C7orf33: variants seen among roughly 807,000 people sequenced by gnomAD.
The protein encoded by C7orf33 is chromosome 7 open reading frame 33.
A neutral mutation model predicts 13.4 loss-of-function variants in C7orf33; 15 were observed. The ratio of observed to expected loss-of-function variants is 1.12; its 90% CI spans 0.75 to 1.72. The LOEUF is 1.72. Among genes scored for constraint, C7orf33 ranks in the 40% most tolerant of loss-of-function variants. The probability of loss-of-function intolerance (pLI) is 0.00; values close to 1 mark genes in which losing one functional copy is unlikely to be tolerated. For missense variants in C7orf33, 187 were observed against 220.3 expected (o/e 0.85, Z 0.96); for synonymous variants, 73 against 83.2 (o/e 0.88, Z 0.67).
intron 1 of C7orf33, among the ~76,000 whole-genome samples, chr7:148,598,118 T>G (rs1334932858): frequency 1.3e-5 from 2 of 152,184 alleles, no homozygotes; most frequent in Non-Finnish European, 2.9e-5. Flanking sequence ...TATTTTTGCG[T>G]GTTTTCAGCT....
rs34816972 is a variant in C7orf33 at position 148,599,469 on chromosome 7, ATTTTTTTTTT to A, written c.204+8353_204+8362del. 2.4e-5 allele frequency among the ~76,000 whole-genome samples: 3 copies of A among 122,974 alleles called. No individual in the cohort carries two copies. In the East Asian group the frequency reaches 7.1e-4, roughly 29 times the overall value. 80.7% of individuals were successfully genotyped at this position (122,974 alleles called of 152,430 possible). A position where few individuals can be genotyped will look rare whatever the true frequency, so the allele number is the denominator to read the frequency against. On this transcript the variant is annotated intron_variant, in intron 1 of 2. Transcript: ENST00000307003. ...CCAGGTTCAAATTTACAATTCTCAG[ATTTTTTTTTT>A]TTTTTTTTTTTTGAGACGGAGTCTT...
chr7:148,609,032 C>G (rs1371663374), intron 1 of C7orf33, among the ~76,000 whole-genome samples: 1 of 150,742 alleles, frequency 6.6e-6, no homozygotes, highest in Non-Finnish European at 1.5e-5. Context: ...TCATTCTTAC[C>G]TTGAGGAAGC....
intron 1 of C7orf33, among the ~76,000 whole-genome samples, chr7:148,597,807 G>A (rs192454507): frequency 6.6e-6 from 1 of 152,116 alleles, no homozygotes; most frequent in East Asian, 1.9e-4. Flanking sequence ...CCAGGCTGGA[G>A]TGCAGTGGCG....
intron 1 of C7orf33, among the ~76,000 whole-genome samples, chr7:148,613,350 G>C (rs889506530): frequency 6.6e-6 from 1 of 152,174 alleles, no homozygotes; most frequent in African/African-American, 2.4e-5. Flanking sequence ...CCACACAAAA[G>C]CTCTGTACAC....
chr7:148,615,563 T>TTCTCTTTGATCATGA lies in C7orf33; in HGVS notation c.*163_*177dup. 1.9e-6 allele frequency: 1 copy of TTCTCTTTGATCATGA among 534,282 alleles called. No homozygotes were observed. The highest frequency in any genetic ancestry group is 3.3e-5 in the East Asian group (1 of 29,886). The allele number at this position is 534,282 out of a possible 1,614,324, so 33.1% of individuals were successfully genotyped here. ...TGAACACCAGCAGACAGGCTGAGAATTCTCTTTGATCATGAGCCCAAGTTC... is the reference window on the plus strand; with the variant it reads ...TGAACACCAGCAGACAGGCTGAGAATTCTCTTTGATCATGATCTCTTTGATCATGAGCCCAAGTTC... On this transcript the variant is annotated 3_prime_UTR_variant, in exon 3 of 3. Transcript: ENST00000307003.
chr7:148,602,861 C>T (rs576562857), intron 1 of C7orf33, among the ~76,000 whole-genome samples: 2 of 152,292 alleles, frequency 1.3e-5, no homozygotes, highest in East Asian at 3.9e-4. Flanking sequence ...AACTCAATTA[C>T]ATGTCTATCT....
At chr7:148,607,776 C>G (rs905808759) in intron 1 of C7orf33, among the ~76,000 whole-genome samples, 15 of 152,176 alleles carry the variant, frequency 9.9e-5, no homozygotes, top group Non-Finnish European at 1.8e-4. Context: ...GAAAGCGTAT[C>G]GGGTTTAAAT....
intron 1 of C7orf33, among the ~76,000 whole-genome samples, chr7:148,607,716 A>G (rs1416012795): frequency 2.0e-5 from 3 of 152,104 alleles, no homozygotes; most frequent in African/African-American, 7.2e-5. Context: ...CCTGCAGGAT[A>G]TTTTCACTTA....
At chr7:148,606,593 A>G (rs989929259) in intron 1 of C7orf33, among the ~76,000 whole-genome samples, 1 of 152,108 alleles carries the variant, frequency 6.6e-6, no homozygotes, top group Non-Finnish European at 1.5e-5. Flanking sequence ...AAAACAAACA[A>G]ACAAAAACGG....
At chr7:148,594,087 G>A (rs1563119873) in intron 1 of C7orf33, among the ~76,000 whole-genome samples, 1 of 151,846 alleles carries the variant, frequency 6.6e-6, no homozygotes, top group Non-Finnish European at 1.5e-5. Flanking sequence ...ATGAGTGAAA[G>A]CTCCTTGAGG....
Position 148,612,183 on chromosome 7 carries a change from T to C in C7orf33, c.205-1859T>C, listed in dbSNP as rs76666257. On this transcript the variant is annotated intron_variant, in intron 1 of 2. Transcript: ENST00000307003. ...CCATGACTGACAGAGATCTTTGTAGTCAACTGAAGTTAGCCAGTGATTTTT... is the reference window on the plus strand; with the variant it reads ...CCATGACTGACAGAGATCTTTGTAGCCAACTGAAGTTAGCCAGTGATTTTT... Among the ~76,000 whole-genome samples, 780 of 152,318 alleles carry C rather than the reference T, an allele frequency of 5.1e-3. 2 individuals carry two copies. Among genetic ancestry groups the C allele is most frequent in the African/African-American group, 0.018 (738 of 41,540 alleles).
At chr7:148,603,036 C>T (rs776534420) in intron 1 of C7orf33, among the ~76,000 whole-genome samples, 3 of 152,148 alleles carry the variant, frequency 2.0e-5, no homozygotes, top group Non-Finnish European at 4.4e-5. Flanking sequence ...CTGTCAACAT[C>T]ATCACAAAGA....
At chr7:148,597,110 A>G (rs1478609793) in intron 1 of C7orf33, among the ~76,000 whole-genome samples, 3 of 152,036 alleles carry the variant, frequency 2.0e-5, no homozygotes, top group Non-Finnish European at 4.4e-5. Context: ...TTATGAATAC[A>G]GCTGCTTACC....
At chr7:148,598,749 TATATATATATATATAGAGAGAG>T (rs1341500440) in intron 1 of C7orf33, among the ~76,000 whole-genome samples, 126 of 71,200 alleles carry the variant, frequency 1.8e-3, no homozygotes, top group African/African-American at 4.0e-3. Flanking sequence ...TATATATATA[TATATATATATATATAGAGAGAG>T]AGAGAGAGAG....
chr7:148,601,586 A>G (rs1367435640), intron 1 of C7orf33, among the ~76,000 whole-genome samples: 1 of 152,168 alleles, frequency 6.6e-6, no homozygotes, highest in Non-Finnish European at 1.5e-5. Context: ...GACTCAAGCA[A>G]TCTGCCTGCC....
At chr7:148,608,747 G>T (rs1796504495) in intron 1 of C7orf33, among the ~76,000 whole-genome samples, 1 of 152,120 alleles carries the variant, frequency 6.6e-6, no homozygotes, top group African/African-American at 2.4e-5. Flanking sequence ...AACCTGGGAG[G>T]CGGAGGTTGC....
intron 1 of C7orf33, among the ~76,000 whole-genome samples, chr7:148,597,560 G>A (rs1404081252): frequency 6.6e-6 from 1 of 152,112 alleles, no homozygotes; most frequent in Non-Finnish European, 1.5e-5. Context: ...GAGATTACAG[G>A]TGTGAGCCAC....
intron 1 of C7orf33, among the ~76,000 whole-genome samples, chr7:148,607,306 T>C (rs1796485264): frequency 6.6e-6 from 1 of 152,196 alleles, no homozygotes; most frequent in Admixed American, 6.5e-5. Context: ...TTGTTCTCCC[T>C]GGTAAAAGAC....
intron 1 of C7orf33, among the ~76,000 whole-genome samples, chr7:148,595,611 A>C (rs1172041827): frequency 7.6e-6 from 1 of 131,342 alleles, no homozygotes; most frequent in Non-Finnish European, 1.5e-5. Flanking sequence ...TACATATTAT[A>C]TATATTATAT....
Sources: gnomAD v4.1 joint callset for allele counts (sites outside exome capture counted in the v4.1 genomes callset) on GRCh38, gnomAD v4.1.1 for gene constraint, MANE v1.5 for transcripts, NCBI Gene and HGNC (gene_info 2026-07-23, HGNC 2026-07-21) for gene names.